The following ZNF175 variants were observed in gnomAD, a reference collection of about 807,000 sequenced individuals.
ZNF175 encodes the protein zinc finger protein OTK18.
A neutral mutation model predicts 14.0 loss-of-function variants in ZNF175; 8 were observed. The observed-to-expected ratio is 0.57, with a 90% confidence interval of 0.34 to 1.03. ZNF175 has a LOEUF of 1.03. Ranked by LOEUF, ZNF175 falls within the 50% of genes least tolerant of loss-of-function variation. The pLI is 0.03. For synonymous variants in ZNF175, 255 were observed against 296.8 expected (o/e 0.86, Z 1.45); for missense variants, 764 against 849.5 (o/e 0.90, Z 1.25).
In ZNF175 at chr19:51,587,847, A is replaced by T. The variant is rs1223941651; in HGVS notation, c.1516A>T (p.Ser506Cys). Residue 506 changes from serine to cysteine, a missense_variant, in exon 5 of 5, where the codon AGT becomes TGT. Coordinates refer to ENST00000262259, the MANE Select transcript of ZNF175 (RefSeq NM_007147.4). ...IHTGEKPYEC[S>C]DCGKTFTQKS... ...TACAGGGGAGAAACCTTATGAATGC[A>T]GTGACTGTGGAAAAACCTTCACCCA... The T allele has an allele frequency of 2.5e-6, 4 of 1,614,188 alleles. No homozygotes were observed. In the South Asian group the frequency reaches 4.4e-5, roughly 18 times the overall value.
At chr19:51,577,828 T>C (rs904354442) in intron 2 of ZNF175, among the ~76,000 whole-genome samples, 4 of 151,850 alleles carry the variant, frequency 2.6e-5, no homozygotes, top group South Asian at 4.2e-4. Flanking sequence ...CACACCAAGC[T>C]AATTTTTTGT....
At chr19:51,574,400 A>G (rs1981701945) in intron 2 of ZNF175, among the ~76,000 whole-genome samples, 1 of 152,208 alleles carries the variant, frequency 6.6e-6, no homozygotes, top group Non-Finnish European at 1.5e-5. Context: ...GAAACATACA[A>G]GTTTAGGTGG....
At chr19:51,571,548 G>A (rs1981586296) in intron 1 of ZNF175, 73 bp downstream of exon 1, 1 of 152,346 alleles carries the variant, frequency 6.6e-6, no homozygotes, top group African/African-American at 2.4e-5. Flanking sequence ...TGGGGTAAGT[G>A]GCGTTTGCTA....
chr19:51,582,747 G>T (rs1568575312), intron 4 of ZNF175, among the ~76,000 whole-genome samples: 2 of 151,714 alleles, frequency 1.3e-5, no homozygotes, highest in East Asian at 3.9e-4. Flanking sequence ...TTTTTTTCCA[G>T]TTTTTTTGCC....
At chr19:51,582,744 C>T (rs938815083) in intron 4 of ZNF175, among the ~76,000 whole-genome samples, 1 of 151,730 alleles carries the variant, frequency 6.6e-6, no homozygotes, top group Admixed American at 6.6e-5. Context: ...CCTTTTTTTT[C>T]CAGTTTTTTT....
chr19:51,577,900 T>G (rs1284557876), intron 2 of ZNF175, among the ~76,000 whole-genome samples: 1 of 151,178 alleles, frequency 6.6e-6, no homozygotes, highest in Non-Finnish European at 1.5e-5. Flanking sequence ...CCTGACCTCG[T>G]GATCCGCCCG....
rs1982265696 is a variant in ZNF175, at chr19:51,588,899, TTATG to T, written c.*434_*437del. On this transcript the variant is annotated 3_prime_UTR_variant, in exon 5 of 5. Coordinates refer to ENST00000262259, the MANE Select transcript of ZNF175 (RefSeq NM_007147.4). ...AACACAGTCATGATAGGACAATATTTTATGTGTGTGTGTGCGCCTTATGTATATA... is the reference window on the plus strand; with the variant it reads ...AACACAGTCATGATAGGACAATATTTTGTGTGTGTGCGCCTTATGTATATA... The T allele has an allele frequency of 2.5e-6, 1 of 398,476 alleles. No homozygotes were observed. The highest frequency in any genetic ancestry group is 4.4e-6 in the Non-Finnish European group (1 of 226,654). 24.7% of individuals were successfully genotyped at this position (398,476 alleles called of 1,614,324 possible). A position where few individuals can be genotyped will look rare whatever the true frequency, so the allele number is the denominator to read the frequency against.
Position 51,588,350 on chromosome 19 carries a change from T to C in ZNF175, c.2019T>C (p.Cys673=), listed in dbSNP as rs1250070596. The C allele has an allele frequency of 6.2e-7, 1 of 1,613,772 alleles. No individual in the cohort carries two copies. The highest frequency in any genetic ancestry group is 8.5e-7 in the Non-Finnish European group (1 of 1,179,932). Residue 673 remains cysteine (C), a synonymous_variant, in exon 5 of 5, where the codon TGT becomes TGC. Transcript: ENST00000262259. ...RIHTGERPYV[C]SECGKAFNNR... ...ACACGGGAGAAAGACCTTATGTGTG[T>C]TCTGAATGTGGAAAGGCCTTCAACA...
intron 2 of ZNF175, chr19:51,573,745 G>T (rs1268341393): frequency 7.7e-6 from 3 of 388,234 alleles, no homozygotes; most frequent in African/African-American, 2.1e-5. Flanking sequence ...AATTTCAAGT[G>T]GTCCCCCCCA....
At position 51,592,324 on chromosome 19, in the gene ZNF175, A is replaced by G. The variant is rs7259469; in HGVS notation, c.*3857A>G. Reference sequence around the variant, plus strand: ...ACCTCTCTGCCTTAATTTCTCCAGCAGCACAATGGGAATAATAATAGATCT... The same window carrying G: ...ACCTCTCTGCCTTAATTTCTCCAGCGGCACAATGGGAATAATAATAGATCT... On this transcript the variant is annotated 3_prime_UTR_variant, in exon 5 of 5. Coordinates refer to ENST00000262259, the MANE Select transcript of ZNF175 (RefSeq NM_007147.4). 230,438 of 274,234 alleles carry G rather than the reference A, an allele frequency of 0.84. 97,605 individuals carry two copies. The highest frequency in any genetic ancestry group is 0.96 in the African/African-American group (42,999 of 44,898). The allele number at this position is 274,234 out of a possible 1,614,324, so 17.0% of individuals were successfully genotyped here.
intron 4 of ZNF175, among the ~76,000 whole-genome samples, chr19:51,586,036 A>G (rs1327423095): frequency 6.6e-6 from 1 of 152,204 alleles, no homozygotes; most frequent in Non-Finnish European, 1.5e-5. Context: ...TGAAGCTTTA[A>G]TAGTTTTCAG....
rs1982325334 is a variant in ZNF175 at position 51,590,918 on chromosome 19, T to C, written c.*2451T>C. Reference sequence around the variant, plus strand: ...CCCTAGGACAAGTGTGTTAAAAACTTGAGCCCACAGTGTAGACACACTGGT... The same window carrying C: ...CCCTAGGACAAGTGTGTTAAAAACTCGAGCCCACAGTGTAGACACACTGGT... On this transcript the variant is annotated 3_prime_UTR_variant, in exon 5 of 5. Coordinates refer to ENST00000262259, the MANE Select transcript of ZNF175 (RefSeq NM_007147.4). The C allele has an allele frequency of 6.6e-6, 1 of 152,130 alleles. No homozygotes were observed. 9.4% of individuals were successfully genotyped at this position (152,130 alleles called of 1,614,324 possible). A position where few individuals can be genotyped will look rare whatever the true frequency, so the allele number is the denominator to read the frequency against.
intron 2 of ZNF175, 151 bp from the exon 3 acceptor site, chr19:51,581,240 T>A (rs893482883): frequency 9.7e-6 from 10 of 1,034,280 alleles, no homozygotes; most frequent in African/African-American, 3.2e-5. Flanking sequence ...TATTTTTTTT[T>A]AAATCCCTAA....
Position 51,589,804 on chromosome 19 carries a change from T to C in ZNF175, c.*1337T>C, listed in dbSNP as rs1982297901. ...TTGAGTAGTTTTGGCGGAGATCAAA[T>C]AGCCCCCAAGCTGGAAACTGAAAAT... On this transcript the variant is annotated 3_prime_UTR_variant, in exon 5 of 5. Coordinates refer to ENST00000262259, the MANE Select transcript of ZNF175 (RefSeq NM_007147.4). 1.8e-6 allele frequency: 1 copy of C among 559,944 alleles called. No homozygotes were observed. The highest frequency in any genetic ancestry group is 1.9e-5 in the African/African-American group (1 of 53,490). The allele number at this position is 559,944 out of a possible 1,614,324, so 34.7% of individuals were successfully genotyped here.
intron 2 of ZNF175, among the ~76,000 whole-genome samples, chr19:51,575,033 TC>T (rs768077390): frequency 1.4e-4 from 22 of 152,258 alleles, no homozygotes; most frequent in Non-Finnish European, 2.8e-4. Flanking sequence ...GTTATTTTTA[TC>T]TTTTCTAATG....
Position 51,587,872 on chromosome 19 carries a change from A to G in ZNF175, c.1541A>G (p.Gln514Arg), listed in dbSNP as rs1258967548. 1 of 1,614,144 alleles carries G rather than the reference A, an allele frequency of 6.2e-7. No individual in the cohort carries two copies. Among genetic ancestry groups the G allele is most frequent in the South Asian group, 1.1e-5 (1 of 91,088 alleles). Residue 514 changes from glutamine (Q) to arginine (R), a missense_variant, in exon 5 of 5, where the codon CAA becomes CGA. Gln to Arg is a conservative substitution (Grantham distance 43). Coordinates refer to ENST00000262259, the MANE Select transcript of ZNF175 (RefSeq NM_007147.4). ...AGTGACTGTGGAAAAACCTTCACCC[A>G]AAAGTCACACCTGAATATACACCAG... The part of the protein sequence containing the change: ...ECSDCGKTFT[Q>R]KSHLNIHQKI...
At chr19:51,582,755 GCCC>G (rs1226152372) in intron 4 of ZNF175, among the ~76,000 whole-genome samples, 1 of 150,658 alleles carries the variant, frequency 6.6e-6, no homozygotes, top group Non-Finnish European at 1.5e-5. Context: ...CAGTTTTTTT[GCCC>G]CTAATTTTAT....
At chr19:51,582,703 G>A (rs1030413570) in intron 4 of ZNF175, among the ~76,000 whole-genome samples, 6 of 152,050 alleles carry the variant, frequency 3.9e-5, no homozygotes, top group South Asian at 4.2e-4. Context: ...TTTTCTTACC[G>A]CTTATCTCTT....
intron 4 of ZNF175, 84 bp from the exon 5 acceptor site, chr19:51,586,543 T>A (rs1353626405): frequency 7.2e-7 from 1 of 1,384,278 alleles, no homozygotes; most frequent in Non-Finnish European, 9.8e-7. Flanking sequence ...AGCAATTTCC[T>A]TGTGTTCTGT....
Sources: gnomAD v4.1 joint callset for allele counts (sites outside exome capture counted in the v4.1 genomes callset) on GRCh38, gnomAD v4.1.1 for gene constraint, MANE v1.5 for transcripts, NCBI Gene and HGNC (gene_info 2026-07-23, HGNC 2026-07-21) for gene names.